The following CD200R1 variants were observed in gnomAD, a reference collection of about 807,000 sequenced individuals.
CD200R1 encodes the protein CD200 receptor 1, also known as cell surface glycoprotein CD200 receptor 1.
CD200R1 carries 30 observed loss-of-function variants against 38.1 expected under a neutral mutation model. That is an observed-to-expected ratio of 0.79 (90% CI 0.59 to 1.07). CD200R1 has a LOEUF of 1.07. Among genes scored for constraint, CD200R1 ranks in the 50% least tolerant of loss-of-function variants. CD200R1 has a pLI of 0.00. For missense variants in CD200R1, 372 were observed against 415.4 expected (o/e 0.90, Z 0.91); for synonymous variants, 128 against 152.1 (o/e 0.84, Z 1.16).
chr3:112,948,650 C>G (rs1448214057), intron 1 of CD200R1, among the ~76,000 whole-genome samples: 1 of 152,158 alleles, frequency 6.6e-6, no homozygotes, highest in African/African-American at 2.4e-5. Flanking sequence ...CCCTGCTGTG[C>G]GGCCCAATCC....
chr3:112,947,647 T>A (rs1046006044), intron 2 of CD200R1, among the ~76,000 whole-genome samples: 7 of 152,202 alleles, frequency 4.6e-5, no homozygotes, highest in Non-Finnish European at 1.0e-4. Context: ...GAATAGGCCA[T>A]TGGTTTTGTT....
At chr3:112,925,260 A>G (rs1201244713) in intron 5 of CD200R1, 67 bp from the exon 6 acceptor site, 12 of 769,334 alleles carry the variant, frequency 1.6e-5, no homozygotes, top group Admixed American at 8.3e-5. Flanking sequence ...TTATTATTCA[A>G]TGTTAAAAAG....
At chr3:112,959,680 G>C (rs1291211382) in intron 1 of CD200R1, among the ~76,000 whole-genome samples, 1 of 152,082 alleles carries the variant, frequency 6.6e-6, no homozygotes, top group Non-Finnish European at 1.5e-5. Flanking sequence ...TACATTTGGT[G>C]AGTCAAGCTT....
rs757660544 is a variant in CD200R1, at chr3:112,931,154, T to C, written c.154A>G (p.Met52Val). 3 of 1,605,290 alleles carry C rather than the reference T, an allele frequency of 1.9e-6. No homozygotes were observed. The highest frequency in any genetic ancestry group is 2.6e-6 in the Non-Finnish European group (3 of 1,172,048). Residue 52 changes from methionine (M) to valine (V), a missense_variant, in exon 3 of 8, where the codon ATG becomes GTG. Transcript: ENST00000308611. ...TTCTGTGTAATCTGTTTTTCATCCA[T>C]ACATAAACTGCTTGAAGCTAGAAAA... is the stretch of plus-strand genomic sequence containing the variant. Reference protein sequence around the residue: ...NHALASSSLCMDEKQITQNYS... With the variant: ...NHALASSSLCVDEKQITQNYS...
At chr3:112,959,785 T>A (rs1932973252) in intron 1 of CD200R1, among the ~76,000 whole-genome samples, 1 of 152,114 alleles carries the variant, frequency 6.6e-6, no homozygotes, top group African/African-American at 2.4e-5. Context: ...GTTATTATAA[T>A]GAATGTAGAG....
intron 2 of CD200R1, among the ~76,000 whole-genome samples, chr3:112,940,742 A>T (rs1342029852): frequency 2.0e-5 from 3 of 151,818 alleles, no homozygotes; most frequent in Non-Finnish European, 4.4e-5. Context: ...ATAGTATGGA[A>T]GTTCCTAAAA....
chr3:112,947,430 C>T (rs942221936), intron 2 of CD200R1, among the ~76,000 whole-genome samples: 6 of 152,046 alleles, frequency 3.9e-5, no homozygotes, highest in Admixed American at 2.0e-4. Context: ...AATTGTGCTA[C>T]GATCCTAAAA....
intron 2 of CD200R1, among the ~76,000 whole-genome samples, chr3:112,943,904 G>T (rs1005455475): frequency 1.3e-5 from 2 of 151,664 alleles, no homozygotes; most frequent in African/African-American, 2.4e-5. Flanking sequence ...AAAACAATTT[G>T]GCAGTTTAAA....
intron 2 of CD200R1, among the ~76,000 whole-genome samples, chr3:112,942,685 G>C (rs1178867989): frequency 5.3e-5 from 8 of 151,386 alleles, no homozygotes; most frequent in East Asian, 3.9e-4. Context: ...TGTCAGAGTA[G>C]ATCAAAAAGC....
intron 1 of CD200R1, among the ~76,000 whole-genome samples, chr3:112,966,850 G>A (rs1933176987): frequency 6.6e-6 from 1 of 151,712 alleles, no homozygotes; most frequent in African/African-American, 2.4e-5. Flanking sequence ...AGTGGTCTGT[G>A]CCCACAGCCT....
chr3:112,942,339 G>A (rs9834353), intron 2 of CD200R1, among the ~76,000 whole-genome samples: 90,618 of 151,358 alleles, frequency 0.6, 27,552 homozygotes, highest in African/African-American at 0.71. Flanking sequence ...GGACTATTTT[G>A]TTATTGCAAG....
rs144881064 is a variant in CD200R1 at position 112,949,558 on chromosome 3, G to C, written c.68-1634C>G. Among the ~76,000 whole-genome samples, 13 of 152,232 alleles carry C rather than the reference G, an allele frequency of 8.5e-5. No individual in the cohort carries two copies. In the East Asian group the frequency reaches 1.9e-3, roughly 23 times the overall value. On this transcript the variant is annotated intron_variant, in intron 1 of 7. Transcript: ENST00000308611. ...TGTAGATTAAGTGATTAAGCAATTT[G>C]ACCAAGACTACCTGGCTAGTAAGCT... is the stretch of plus-strand genomic sequence containing the variant.
At chr3:112,970,023 A>G (rs1933262289) in intron 1 of CD200R1, among the ~76,000 whole-genome samples, 1 of 151,902 alleles carries the variant, frequency 6.6e-6, no homozygotes, top group African/African-American at 2.4e-5. Flanking sequence ...AATACAAAAA[A>G]AAAAATTAGC....
At position 112,968,357 on chromosome 3, in the gene CD200R1, T is replaced by C. The variant is rs576824370; in HGVS notation, c.67+6434A>G. Among the ~76,000 whole-genome samples, 12 of 152,272 alleles carry C rather than the reference T, an allele frequency of 7.9e-5. No individual in the cohort carries two copies. The South Asian group carries it at 2.3e-3, about 29-fold the overall frequency. On this transcript the variant is annotated intron_variant, in intron 1 of 7. Coordinates refer to ENST00000308611, the MANE Select transcript of CD200R1 (RefSeq NM_138806.4). ...AAAAATACAATAATATTTTAAAATA[T>C]GTATATTTGAAGAAAGTTTCACTTC...
intron 1 of CD200R1, among the ~76,000 whole-genome samples, chr3:112,963,129 C>T (rs1277388415): frequency 6.6e-6 from 1 of 152,198 alleles, no homozygotes; most frequent in Non-Finnish European, 1.5e-5. Context: ...TGAGGCCTTC[C>T]CAGTCACATA....
At chr3:112,950,396 G>A (rs1353138816) in intron 1 of CD200R1, among the ~76,000 whole-genome samples, 3 of 141,402 alleles carry the variant, frequency 2.1e-5, no homozygotes, top group East Asian at 2.0e-4. Flanking sequence ...GTGACACTCC[G>A]TCAAAGAAAA....
chr3:112,941,554 T>G (rs1282850656), intron 2 of CD200R1, among the ~76,000 whole-genome samples: 1 of 151,604 alleles, frequency 6.6e-6, no homozygotes, highest in African/African-American at 2.4e-5. Flanking sequence ...TTCCTTCCCT[T>G]GAGCTCTGTA....
intron 1 of CD200R1, among the ~76,000 whole-genome samples, chr3:112,959,156 C>A (rs1477534053): frequency 6.6e-6 from 1 of 152,116 alleles, no homozygotes; most frequent in Admixed American, 6.5e-5. Context: ...AATTCGGTAA[C>A]TATTACTAAC....
chr3:112,938,684 T>A (rs1024611784), intron 2 of CD200R1, among the ~76,000 whole-genome samples: 13 of 152,036 alleles, frequency 8.6e-5, no homozygotes, highest in Non-Finnish European at 1.6e-4. Flanking sequence ...TTTAAAGAAC[T>A]AATACCAGTC....
Sources: allele counts gnomAD v4.1 joint callset (sites outside exome capture counted in the v4.1 genomes callset), GRCh38; gene constraint gnomAD v4.1.1; transcripts MANE v1.5; gene names NCBI Gene and HGNC (gene_info 2026-07-23, HGNC 2026-07-21).